AIG1: variants seen among roughly 807,000 people sequenced by gnomAD.
The protein encoded by AIG1 is androgen-induced gene 1 protein.
Under a neutral mutation model 31.4 loss-of-function variants are expected in AIG1, and 23 were observed. The ratio of observed to expected loss-of-function variants is 0.73; its 90% CI spans 0.53 to 1.04. The LOEUF (loss-of-function observed/expected upper bound fraction) is 1.04. AIG1 is among the 50% of genes least tolerant of loss of function. AIG1 has a pLI of 0.00. For missense variants in AIG1, 274 were observed against 295.0 expected (o/e 0.93, Z 0.52); for synonymous variants, 100 against 110.5 (o/e 0.90, Z 0.60).
At chr6:143,180,605 A>T (rs1375493366) in intron 3 of AIG1, among the ~76,000 whole-genome samples, 1 of 152,212 alleles carries the variant, frequency 6.6e-6, no homozygotes, top group African/African-American at 2.4e-5. Context: ...CAACAATCAG[A>T]TAGTGCCTCG....
chr6:143,122,718 A>G (rs750679929), intron 1 of AIG1, among the ~76,000 whole-genome samples: 1 of 152,100 alleles, frequency 6.6e-6, no homozygotes, highest in Non-Finnish European at 1.5e-5. Flanking sequence ...ACTGAGTTTT[A>G]TCTCATCCAC....
intron 4 of AIG1, among the ~76,000 whole-genome samples, chr6:143,286,780 G>A (rs1797706243): frequency 1.3e-5 from 2 of 152,134 alleles, no homozygotes; most frequent in Admixed American, 1.3e-4. Flanking sequence ...CTATACCTCA[G>A]GGGCTGACCA....
At chr6:143,305,161 T>A (rs1407125756) in intron 4 of AIG1, among the ~76,000 whole-genome samples, 1 of 152,188 alleles carries the variant, frequency 6.6e-6, no homozygotes, top group African/African-American at 2.4e-5. Context: ...ATTTTGTTGA[T>A]CCTTTCAAAA....
chr6:143,229,270 T>G (rs1324185866), intron 3 of AIG1, among the ~76,000 whole-genome samples: 1 of 152,258 alleles, frequency 6.6e-6, no homozygotes, highest in African/African-American at 2.4e-5. Context: ...AATTCTGGCT[T>G]TGACACTACC....
At chr6:143,177,933 G>A (rs1277419381) in intron 3 of AIG1, among the ~76,000 whole-genome samples, 1 of 152,180 alleles carries the variant, frequency 6.6e-6, no homozygotes, top group Non-Finnish European at 1.5e-5. Flanking sequence ...GGGCATGTGT[G>A]GGTGTGCAGC....
intron 2 of AIG1, among the ~76,000 whole-genome samples, chr6:143,144,401 T>G (rs564259279): frequency 2.0e-5 from 3 of 152,302 alleles, no homozygotes; most frequent in African/African-American, 7.2e-5. Context: ...TTATAAGCTA[T>G]ATCAATAAGT....
rs1312805766 is a variant in AIG1 at position 143,081,199 on chromosome 6, G to GTCGTT, written c.141+20135_141+20139dup. ...GTTTCTTGGGTTAGCTTTTTTAGAT[G>GTCGTT]TCGTTTGAGTGTTTCATTCATTTTC... On this transcript the variant is annotated intron_variant, in intron 1 of 5. Coordinates refer to ENST00000357847, the MANE Select transcript of AIG1 (RefSeq NM_016108.4). 3.9e-5 allele frequency among the ~76,000 whole-genome samples: 6 copies of GTCGTT among 152,234 alleles called. No individual in the cohort carries two copies. The East Asian group carries it at 7.7e-4, about 20-fold the overall frequency.
intron 3 of AIG1, among the ~76,000 whole-genome samples, chr6:143,177,395 TC>T (rs1212784760): frequency 1.3e-5 from 2 of 152,262 alleles, no homozygotes; most frequent in African/African-American, 4.8e-5. Flanking sequence ...TATGTTGATA[TC>T]CATGCGTCTG....
At chr6:143,264,029 T>A (rs1795984787) in intron 3 of AIG1, among the ~76,000 whole-genome samples, 1 of 152,242 alleles carries the variant, frequency 6.6e-6, no homozygotes, top group African/African-American at 2.4e-5. Flanking sequence ...TTGTATTTTC[T>A]GTCCAGTATT....
At chr6:143,271,824 T>C (rs1197371978) in intron 3 of AIG1, among the ~76,000 whole-genome samples, 1 of 152,024 alleles carries the variant, frequency 6.6e-6, no homozygotes, top group African/African-American at 2.4e-5. Context: ...TTTTGTCCCT[T>C]AAAGATGAAT....
intron 1 of AIG1, among the ~76,000 whole-genome samples, chr6:143,089,678 G>A (rs758572661): frequency 1.2e-4 from 19 of 152,308 alleles, no homozygotes; most frequent in Non-Finnish European, 2.8e-4. Context: ...ATGGTGAAAT[G>A]TAACGGGGAG....
chr6:143,245,137 AC>A (rs1358795190), intron 3 of AIG1, among the ~76,000 whole-genome samples: 1 of 152,250 alleles, frequency 6.6e-6, no homozygotes, highest in African/African-American at 2.4e-5. Flanking sequence ...AAAACATTGA[AC>A]ATTACCCAAG....
chr6:143,107,961 T>C (rs930494735), intron 1 of AIG1, among the ~76,000 whole-genome samples: 1 of 152,236 alleles, frequency 6.6e-6, no homozygotes, highest in Admixed American at 6.5e-5. Flanking sequence ...CATAAGACTT[T>C]CTCTGGAAAC....
At chr6:143,103,405 G>A (rs952617108) in intron 1 of AIG1, among the ~76,000 whole-genome samples, 1 of 152,066 alleles carries the variant, frequency 6.6e-6, no homozygotes, top group African/African-American at 2.4e-5. Context: ...CCTTTGCCCT[G>A]GGGAAGTCAA....
At chr6:143,090,230 G>C (rs577970743) in intron 1 of AIG1, among the ~76,000 whole-genome samples, 1 of 152,192 alleles carries the variant, frequency 6.6e-6, no homozygotes, top group Admixed American at 6.5e-5. Context: ...CATCTTCTCA[G>C]TGCTTTAATT....
intron 1 of AIG1, among the ~76,000 whole-genome samples, chr6:143,068,369 T>C (rs1054370254): frequency 2.6e-5 from 4 of 152,246 alleles, no homozygotes; most frequent in African/African-American, 9.6e-5. Context: ...AGCTCTCTTG[T>C]GCAGTCTGTA....
chr6:143,309,016 G>A (rs1470014817), intron 4 of AIG1, among the ~76,000 whole-genome samples: 2 of 151,988 alleles, frequency 1.3e-5, no homozygotes, highest in Non-Finnish European at 2.9e-5. Context: ...GAAGCTGGTG[G>A]TGGGGAGTGG....
At chr6:143,061,141 T>G in intron 1 of AIG1, 75 bp downstream of exon 1, 1 of 1,511,278 alleles carries the variant, frequency 6.6e-7, no homozygotes, top group South Asian at 1.1e-5. Flanking sequence ...TGTGTGTGTG[T>G]GTGTGTGGAT....
intron 3 of AIG1, among the ~76,000 whole-genome samples, chr6:143,199,757 C>T (rs1439049865): frequency 6.6e-6 from 1 of 152,088 alleles, no homozygotes; most frequent in Admixed American, 6.5e-5. Context: ...AGATAAGGCC[C>T]CTCTCAACAA....
Sources: gnomAD v4.1 joint callset for allele counts (sites outside exome capture counted in the v4.1 genomes callset) on GRCh38, gnomAD v4.1.1 for gene constraint, MANE v1.5 for transcripts, NCBI Gene and HGNC (gene_info 2026-07-23, HGNC 2026-07-21) for gene names.